LRBA: variants seen among roughly 807,000 people sequenced by gnomAD.
LRBA encodes LPS responsive beige-like anchor protein.
A neutral mutation model predicts 330.0 loss-of-function variants in LRBA; 176 were observed. The observed-to-expected ratio is 0.53, with a 90% CI of 0.47 to 0.60. The LOEUF (loss-of-function observed/expected upper bound fraction) is 0.60. Among genes scored for constraint, LRBA ranks in the 20% least tolerant of loss-of-function variants. The pLI, the probability that LRBA is intolerant of heterozygous loss-of-function variation, is 0.00. For missense variants in LRBA, 3,259 were observed against 3,444.8 expected (o/e 0.95, Z 1.35); for synonymous variants, 1,230 against 1,193.0 (o/e 1.03, Z -0.64).
chr4:150,624,348 GGAGT>G (rs1776633972), intron 37 of LRBA, among the ~76,000 whole-genome samples: 5 of 150,352 alleles, frequency 3.3e-5, no homozygotes, highest in African/African-American at 1.2e-4. Context: ...GCTGGGCAAT[GGAGT>G]GAGAGACTCT....
Position 150,471,720 on chromosome 4 carries a change from G to C in LRBA, c.6571C>G (p.Pro2191Ala). The change falls in exon 43 of 57, where the codon CCA becomes GCA. Residue 2191 changes from proline (P) to alanine (A), a missense_variant. Pro to Ala is a conservative substitution (Grantham distance 27). Coordinates refer to ENST00000651943, the MANE Select transcript of LRBA (RefSeq NM_001364905.1). Reference sequence around the variant, plus strand: ...TTAGAAGCCTTAAAAAGCTGACGTGGACTAGCTAATGAAATACGTCTGCAA... The same window carrying C: ...TTAGAAGCCTTAAAAAGCTGACGTGCACTAGCTAATGAAATACGTCTGCAA... ...PQTRRISLAS[P>A]RQLFKASNMT... 1.3e-6 allele frequency: 2 copies of C among 1,577,138 alleles called. No individual in the cohort carries two copies. Among genetic ancestry groups the C allele is most frequent in the Non-Finnish European group, 1.7e-6 (2 of 1,151,954 alleles).
intron 37 of LRBA, among the ~76,000 whole-genome samples, chr4:150,625,314 G>T (rs574024642): frequency 1.3e-5 from 2 of 152,200 alleles, no homozygotes; most frequent in Non-Finnish European, 2.9e-5. Context: ...TGGAGGCAGT[G>T]TGGATGCCAA....
intron 42 of LRBA, among the ~76,000 whole-genome samples, chr4:150,478,479 C>T (rs1201059786): frequency 6.6e-6 from 1 of 152,110 alleles, no homozygotes; most frequent in Admixed American, 6.5e-5. Context: ...CTTGTCATCA[C>T]CCCCCAAATC....
chr4:150,934,707 C>G (rs1734890203), intron 2 of LRBA, among the ~76,000 whole-genome samples: 1 of 151,766 alleles, frequency 6.6e-6, no homozygotes, highest in African/African-American at 2.4e-5. Flanking sequence ...ACCCCAGCTC[C>G]GTTAAAAATA....
chr4:151,012,709 ATGTG>A (rs983969404), intron 2 of LRBA: 6 of 152,078 alleles, frequency 3.9e-5, no homozygotes, highest in Non-Finnish European at 7.3e-5. Context: ...TAAAATATGC[ATGTG>A]TGTGTCTATA....
At chr4:150,942,422 G>A (rs572359165) in intron 2 of LRBA, among the ~76,000 whole-genome samples, 4 of 152,080 alleles carry the variant, frequency 2.6e-5, no homozygotes, top group Admixed American at 1.3e-4. Context: ...ATACCTTAAC[G>A]TTTTCTTAAG....
At chr4:150,514,661 A>G (rs911586543) in intron 40 of LRBA, among the ~76,000 whole-genome samples, 1 of 152,126 alleles carries the variant, frequency 6.6e-6, no homozygotes, top group African/African-American at 2.4e-5. Context: ...CACTTGTAAC[A>G]TCAAAGAAAG....
chr4:150,805,171 A>T, intron 33 of LRBA, among the ~76,000 whole-genome samples: 1 of 149,354 alleles, frequency 6.7e-6, no homozygotes, highest in African/African-American at 2.5e-5. Context: ...ATGCGCAAAA[A>T]GAAAAAAAAA....
chr4:150,534,274 G>C (rs1417351670), intron 40 of LRBA, among the ~76,000 whole-genome samples: 1 of 149,836 alleles, frequency 6.7e-6, no homozygotes, highest in Non-Finnish European at 1.5e-5. Context: ...TCACATTTAA[G>C]ACTTTTTAGT....
intron 44 of LRBA, among the ~76,000 whole-genome samples, chr4:150,465,930 G>T (rs1330594065): frequency 1.3e-5 from 2 of 152,034 alleles, no homozygotes; most frequent in Non-Finnish European, 2.9e-5. Flanking sequence ...ACACAGAGAA[G>T]AAAATGTTAA....
intron 49 of LRBA, among the ~76,000 whole-genome samples, chr4:150,325,001 G>C: frequency 6.6e-6 from 1 of 151,836 alleles, no homozygotes; most frequent in East Asian, 1.9e-4. Flanking sequence ...GTCTATTTCC[G>C]TACCCATGAT....
intron 43 of LRBA, among the ~76,000 whole-genome samples, chr4:150,468,653 T>G (rs1345701264): frequency 2.0e-5 from 3 of 152,046 alleles, no homozygotes; most frequent in African/African-American, 7.2e-5. Flanking sequence ...GAACAGACTT[T>G]TACGGTGAAC....
At chr4:150,815,401 A>T (rs1378145323) in intron 31 of LRBA, among the ~76,000 whole-genome samples, 2 of 151,754 alleles carry the variant, frequency 1.3e-5, no homozygotes, top group East Asian at 3.9e-4. Context: ...TAAAGATGAA[A>T]AATTTGCTAG....
intron 37 of LRBA, among the ~76,000 whole-genome samples, chr4:150,675,710 T>G (rs549898683): frequency 2.6e-4 from 40 of 152,126 alleles, no homozygotes; most frequent in Middle Eastern, 3.4e-3. Context: ...AAAGCGAGGC[T>G]CCGTCTCAAA....
chr4:150,629,215 G>A (rs1232831035), intron 37 of LRBA, among the ~76,000 whole-genome samples: 1 of 152,164 alleles, frequency 6.6e-6, no homozygotes, highest in African/African-American at 2.4e-5. Flanking sequence ...AAATGTCAAT[G>A]TAATGGGTTA....
At chr4:150,508,910 C>T (rs938335679) in intron 40 of LRBA, among the ~76,000 whole-genome samples, 2 of 152,098 alleles carry the variant, frequency 1.3e-5, no homozygotes, top group Non-Finnish European at 2.9e-5. Flanking sequence ...AGCAAGGTTA[C>T]GAAAAGCATA....
At chr4:150,809,499 T>C (rs1453680908) in intron 31 of LRBA, among the ~76,000 whole-genome samples, 1 of 152,176 alleles carries the variant, frequency 6.6e-6, no homozygotes, top group Non-Finnish European at 1.5e-5. Flanking sequence ...GGGCTCCCAC[T>C]GATCAAATAC....
At chr4:150,979,873 T>C (rs771671533) in intron 2 of LRBA, among the ~76,000 whole-genome samples, 4 of 152,282 alleles carry the variant, frequency 2.6e-5, no homozygotes, top group South Asian at 4.1e-4. Context: ...CTGATGGCTT[T>C]ACTGCTGGAT....
At chr4:150,921,026 C>A (rs1249756079) in intron 5 of LRBA, among the ~76,000 whole-genome samples, 172 bp downstream of exon 5, 2 of 152,180 alleles carry the variant, frequency 1.3e-5, no homozygotes, top group South Asian at 4.1e-4. Flanking sequence ...TATTTCTTCA[C>A]CTCTAAAGCA....
Sources: allele counts gnomAD v4.1 joint callset (sites outside exome capture counted in the v4.1 genomes callset), GRCh38; gene constraint gnomAD v4.1.1; transcripts MANE v1.5; gene names NCBI Gene and HGNC (gene_info 2026-07-23, HGNC 2026-07-21).